The following ASRGL1 variants were observed in gnomAD, a reference collection of about 807,000 sequenced individuals.
ASRGL1 encodes the protein isoaspartyl peptidase/L-asparaginase.
A neutral mutation model predicts 22.4 loss-of-function variants in ASRGL1; 16 were observed. The ratio of observed to expected loss-of-function variants is 0.71; its 90% CI spans 0.48 to 1.08. The LOEUF is 1.08. Among genes scored for constraint, ASRGL1 ranks in the 50% least tolerant of loss-of-function variants. The probability of loss-of-function intolerance (pLI) is 0.00; values close to 1 mark genes in which losing one functional copy is unlikely to be tolerated. For synonymous variants in ASRGL1, 165 were observed against 159.3 expected (o/e 1.04, Z -0.27); for missense variants, 412 against 410.1 (o/e 1.00, Z -0.04).
the ASRGL1 span, among the ~76,000 whole-genome samples, chr11:62,401,249 C>G: frequency 1.3e-5 from 2 of 152,188 alleles, no homozygotes; most frequent in African/African-American, 4.8e-5. Context: ...AATGAGGATG[C>G]CAGGATGTGA....
chr11:62,345,310 T>C (rs1945988825), intron 2 of ASRGL1, among the ~76,000 whole-genome samples: 1 of 152,062 alleles, frequency 6.6e-6, no homozygotes, highest in Non-Finnish European at 1.5e-5. Flanking sequence ...TTTTTGCTTT[T>C]TTTCCTGGAG....
chr11:62,362,607 AAT>A lies in ASRGL1; in HGVS notation c.491+5470_491+5471del, dbSNP rs1392798821. Among the ~76,000 whole-genome samples the A allele has an allele frequency of 2.8e-4, 5 of 17,992 alleles. 1 individual carries two copies. The highest frequency in any genetic ancestry group is 4.1e-4 in the African/African-American group (3 of 7,246). 11.8% of individuals were successfully genotyped at this position (17,992 alleles called of 152,430 possible). On this transcript the variant is annotated intron_variant, in intron 4 of 6. Transcript: ENST00000415229. Reference sequence around the variant, plus strand: ...AAAATATATAATATATATTATATAAAATATATATTATATATTATATAAAATAT... The same window carrying A: ...AAAATATATAATATATATTATATAAAATATATTATATATTATATAAAATAT...
chr11:62,383,412 G>T (rs1410925574), intron 4 of ASRGL1, among the ~76,000 whole-genome samples: 2 of 148,048 alleles, frequency 1.4e-5, no homozygotes, highest in African/African-American at 2.5e-5. Context: ...GACCATCCCG[G>T]CTAAAACGGT....
chr11:62,346,379 C>G (rs1205252387), intron 2 of ASRGL1, among the ~76,000 whole-genome samples: 1 of 152,146 alleles, frequency 6.6e-6, no homozygotes, highest in Non-Finnish European at 1.5e-5. Context: ...CACCACCCTC[C>G]TGGCACCTTC....
In ASRGL1 at chr11:62,369,151, T is replaced by C. The variant is rs112447067; in HGVS notation, c.491+12007T>C. The stretch of plus-strand genomic sequence containing the variant: ...TGGCTTTGCTAGGCAGAGGTCCCTG[T>C]GGCTTTCCGCAGTGTATTGTGTCCC... On this transcript the variant is annotated intron_variant, in intron 4 of 6. Coordinates refer to ENST00000415229, the MANE Select transcript of ASRGL1 (RefSeq NM_001083926.2). Among the ~76,000 whole-genome samples, 1,482 of 152,282 alleles carry C rather than the reference T, an allele frequency of 9.7e-3. 33 individuals carry two copies. Among genetic ancestry groups the C allele is most frequent in the African/African-American group, 0.031 (1,292 of 41,540 alleles).
downstream of ASRGL1, among the ~76,000 whole-genome samples, chr11:62,394,661 C>A (rs759502110): frequency 2.6e-5 from 4 of 152,116 alleles, no homozygotes; most frequent in Non-Finnish European, 5.9e-5. Flanking sequence ...GCTTGTCTTA[C>A]CAATTCTCCA....
At chr11:62,372,018 T>G in intron 4 of ASRGL1, 1 of 720,278 alleles carries the variant, frequency 1.4e-6, no homozygotes, top group Non-Finnish European at 2.6e-6. Context: ...CGTCAGAATT[T>G]GTGGGGACCC....
chr11:62,377,738 T>C (rs1451311323), intron 4 of ASRGL1, among the ~76,000 whole-genome samples: 2 of 152,168 alleles, frequency 1.3e-5, no homozygotes, highest in African/African-American at 2.4e-5. Flanking sequence ...GGAACAACTA[T>C]TTTGTCTGGG....
At chr11:62,361,304 A>C (rs954335058) in intron 4 of ASRGL1, among the ~76,000 whole-genome samples, 1 of 151,668 alleles carries the variant, frequency 6.6e-6, no homozygotes, top group East Asian at 1.9e-4. Flanking sequence ...TGATCCTCCC[A>C]TCTCAGCCTC....
At chr11:62,399,292 G>A in the ASRGL1 span, among the ~76,000 whole-genome samples, 1 of 152,184 alleles carries the variant, frequency 6.6e-6, no homozygotes, top group African/African-American at 2.4e-5. Flanking sequence ...AAGGCACCCT[G>A]CAGAACTGAG....
At chr11:62,395,768 T>TA (rs1308979583), downstream of ASRGL1, among the ~76,000 whole-genome samples, 2 of 84,628 alleles carry the variant, frequency 2.4e-5, no homozygotes, top group African/African-American at 1.1e-4. Context: ...TCTTTTTTTT[T>TA]TTTTTTTTTT....
At chr11:62,355,260 C>G (rs945310522) in intron 2 of ASRGL1, among the ~76,000 whole-genome samples, 2 of 149,136 alleles carry the variant, frequency 1.3e-5, no homozygotes, top group Admixed American at 1.3e-4. Context: ...AAGTCTCGCT[C>G]TGTCGCCCAG....
rs1947354375 is a variant in ASRGL1 at position 62,392,148 on chromosome 11, G to A, written c.791G>A (p.Gly264Asp). The A allele has an allele frequency of 1.9e-6, 3 of 1,614,102 alleles. No individual in the cohort carries two copies. The highest frequency in any genetic ancestry group is 1.7e-5 in the Admixed American group (1 of 59,996). The change falls in exon 7 of 7, where the codon GGC becomes GAC. Residue 264 changes from glycine (G) to aspartate (D), a missense_variant. By Grantham distance (94) the Gly-to-Asp change is moderately conservative. Coordinates refer to ENST00000415229, the MANE Select transcript of ASRGL1 (RefSeq NM_001083926.2). ...YMKSRVKGLG[G>D]LIVVSKTGDW... ...AAGTCAAGGGTTAAAGGTTTAGGTG[G>A]CCTCATCGTGGTTAGCAAAACAGGA... is the stretch of plus-strand genomic sequence containing the variant.
the ASRGL1 span, among the ~76,000 whole-genome samples, chr11:62,398,664 C>T: frequency 1.1e-4 from 16 of 152,254 alleles, no homozygotes; most frequent in Non-Finnish European, 1.8e-4. Context: ...CTCCCCTGGG[C>T]CCACTCCCGC....
intron 2 of ASRGL1, among the ~76,000 whole-genome samples, chr11:62,349,377 G>A (rs571302143): frequency 6.6e-6 from 1 of 152,242 alleles, no homozygotes; most frequent in South Asian, 2.1e-4. Flanking sequence ...CAATAGCCCA[G>A]GAATAATTAA....
rs550290310 is a variant in ASRGL1 at position 62,383,431 on chromosome 11, G to A, written c.492-5702G>A. 1.1e-3 allele frequency among the ~76,000 whole-genome samples: 161 copies of A among 149,100 alleles called. 1 individual carries two copies. The highest frequency in any genetic ancestry group is 3.9e-3 in the African/African-American group (155 of 40,192). On this transcript the variant is annotated intron_variant, in intron 4 of 6. Transcript: ENST00000415229. ...ATCCCGGCTAAAACGGTGAAACCCC[G>A]TCTCTACTAACAATACAAAAAATTA...
chr11:62,395,759 CTTTTTTTTTTT>C (rs564952668), downstream of ASRGL1, among the ~76,000 whole-genome samples: 66 of 71,944 alleles, frequency 9.2e-4, no homozygotes, highest in East Asian at 0.013. Flanking sequence ...GTAGCTGTTT[CTTTTTTTTTTT>C]TTTTTTTTTT....
At chr11:62,371,142 G>C in intron 4 of ASRGL1, 1 of 1,094,490 alleles carries the variant, frequency 9.1e-7, no homozygotes, top group Non-Finnish European at 1.2e-6. Flanking sequence ...CCATGCCCAG[G>C]AAGAAGGCGG....
chr11:62,363,340 A>G (rs1394282512), intron 4 of ASRGL1, among the ~76,000 whole-genome samples: 3 of 152,174 alleles, frequency 2.0e-5, no homozygotes, highest in Non-Finnish European at 4.4e-5. Context: ...CAAGGGAACA[A>G]AAATATTTAC....
Sources: gnomAD v4.1 joint callset for allele counts (sites outside exome capture counted in the v4.1 genomes callset) on GRCh38, gnomAD v4.1.1 for gene constraint, MANE v1.5 for transcripts, NCBI Gene and HGNC (gene_info 2026-07-23, HGNC 2026-07-21) for gene names.